ZNF792: variants seen among roughly 807,000 people sequenced by gnomAD.
The protein encoded by ZNF792 is zinc finger protein 792.
A neutral mutation model predicts 13.1 loss-of-function variants in ZNF792; 14 were observed. The observed-to-expected ratio is 1.07, with a 90% CI of 0.71 to 1.67. The LOEUF (loss-of-function observed/expected upper bound fraction) is 1.67, where lower values mean the gene tolerates loss of function less well. Ranked by LOEUF, ZNF792 falls within the 40% of genes most tolerant of loss-of-function variation. ZNF792 has a pLI of 0.00. For synonymous variants in ZNF792, 257 were observed against 292.0 expected, an observed-to-expected ratio of 0.88 and a Z score of 1.22; for missense variants, 740 against 807.9, an observed-to-expected ratio of 0.92 and a Z score of 1.02.
intron 1 of ZNF792, among the ~76,000 whole-genome samples, chr19:34,961,534 T>G (rs2151683036): frequency 6.6e-6 from 1 of 152,226 alleles, no homozygotes; most frequent in East Asian, 1.9e-4. Context: ...AGACCTTTGA[T>G]GGCCTCCACT....
chr19:34,961,968 AT>A (rs2013534220), intron 1 of ZNF792, among the ~76,000 whole-genome samples: 1 of 152,130 alleles, frequency 6.6e-6, no homozygotes. Context: ...ACTCTTTGGG[AT>A]GATCTGGCCA....
In ZNF792 at chr19:34,959,423, A is replaced by C; in HGVS notation, c.432T>G (p.Ile144Met). ...CDICGLRLKD[I>M]LHLAEHQTTH... ...TTGTCTGGTGTTCAGCCAAATGCAAAATGTCTTTCAAACGTAGGCCACATA... is the reference window on the plus strand; with the variant it reads ...TTGTCTGGTGTTCAGCCAAATGCAACATGTCTTTCAAACGTAGGCCACATA... Residue 144 changes from isoleucine (I) to methionine (M), a missense_variant, in exon 4 of 4, where the codon ATT becomes ATG. Ile to Met is a conservative substitution (Grantham distance 10, BLOSUM62 1). Coordinates refer to ENST00000404801, the MANE Select transcript of ZNF792 (RefSeq NM_175872.5). 6.2e-7 allele frequency: 1 copy of C among 1,614,052 alleles called. No homozygotes were observed.
chr19:34,959,225 G>A lies in ZNF792; in HGVS notation c.630C>T (p.Ser210=). 1 of 1,614,016 alleles carries A rather than the reference G, an allele frequency of 6.2e-7. No homozygotes were observed. Among genetic ancestry groups the A allele is most frequent in the Non-Finnish European group, 8.5e-7 (1 of 1,179,890 alleles). ...TCRDHTSDQL[S]TCREGGKDFV... ...AGTCCTTCCCACCCTCCCTGCAGGT[G>A]GAAAGCTGATCTGATGTGTGGTCTC... The change falls in exon 4 of 4, where the codon TCC becomes TCT. Residue 210 remains serine (S), a synonymous_variant. Coordinates refer to ENST00000404801, the MANE Select transcript of ZNF792 (RefSeq NM_175872.5).
At position 34,958,119 on chromosome 19, in the gene ZNF792, C is replaced by T. The variant is rs774976337; in HGVS notation, c.1736G>A (p.Arg579Gln). ...TTCTCTGATGTGAATCTTCTGATGC[C>T]GAATGAGGGTAGGCCTTTGGTTGAA... ...KAFNQRPTLI[R>Q]HQKIHIRERS... The change falls in exon 4 of 4, where the codon CGG becomes CAG. Residue 579 changes from arginine to glutamine, a missense_variant. By Grantham distance (43) the Arg-to-Gln change is conservative. Transcript: ENST00000404801. 2.7e-5 allele frequency: 43 copies of T among 1,612,984 alleles called. No individual in the cohort carries two copies. Among genetic ancestry groups the T allele is most frequent in the African/African-American group, 5.3e-5 (4 of 74,894 alleles).
rs917821263 is a variant in ZNF792, at chr19:34,963,995, C to A, written c.-333G>T. The A allele has an allele frequency of 5.5e-5, 17 of 311,032 alleles. No homozygotes were observed. Among genetic ancestry groups the A allele is most frequent in the African/African-American group, 2.2e-4 (10 of 46,218 alleles). The allele number at this position is 311,032 out of a possible 1,614,324, so 19.3% of individuals were successfully genotyped here. A position where few individuals can be genotyped will look rare whatever the true frequency, so the allele number is the denominator to read the frequency against. On this transcript the variant is annotated 5_prime_UTR_variant, in exon 1 of 4. Coordinates refer to ENST00000404801, the MANE Select transcript of ZNF792 (RefSeq NM_175872.5). ...CGGGGCAGCTTCACGGGCGTAGCCC[C>A]AGCCGCCCCGCCCCCAACTCGGGGT...
Position 34,956,842 on chromosome 19 carries a change from CA to C in ZNF792, c.*1113del, listed in dbSNP as rs567273283. 1.2e-3 allele frequency: 190 copies of C among 152,294 alleles called. No individual in the cohort carries two copies. The highest frequency in any genetic ancestry group is 4.5e-3 in the African/African-American group (188 of 41,550). 9.4% of individuals were successfully genotyped at this position (152,294 alleles called of 1,614,324 possible). On this transcript the variant is annotated 3_prime_UTR_variant, in exon 4 of 4. Transcript: ENST00000404801. Reference sequence around the variant, plus strand: ...TGCACAGCACGGAGATGGTAATCCACAAAACCAAAACCTTTAGATTATTTGC... The same window carrying C: ...TGCACAGCACGGAGATGGTAATCCACAAACCAAAACCTTTAGATTATTTGC...
chr19:34,958,659 C>T lies in ZNF792; in HGVS notation c.1196G>A (p.Cys399Tyr). The change falls in exon 4 of 4, where the codon TGT (cysteine) becomes TAT (tyrosine). Residue 399 changes from cysteine to tyrosine, a missense_variant. Cys to Tyr is a radical substitution (Grantham distance 194). Coordinates refer to ENST00000404801, the MANE Select transcript of ZNF792 (RefSeq NM_175872.5). The part of the protein sequence containing the change: ...TGRSAHECSE[C>Y]GKSFNCNSSL... ...GGAGTTGCAGTTGAAAGATTTCCCA[C>T]ATTCACTGCACTCATGGGCACTTCT... The T allele has an allele frequency of 6.2e-7, 1 of 1,614,146 alleles. No individual in the cohort carries two copies. The highest frequency in any genetic ancestry group is 8.5e-7 in the Non-Finnish European group (1 of 1,179,984).
Position 34,958,841 on chromosome 19 carries a change from G to T in ZNF792, c.1014C>A (p.His338Gln), listed in dbSNP as rs372853650. 3.1e-6 allele frequency: 5 copies of T among 1,612,444 alleles called. No homozygotes were observed. The highest frequency in any genetic ancestry group is 1.7e-4 in the Middle Eastern group (1 of 6,052). The change falls in exon 4 of 4, where the codon CAC (histidine) becomes CAA (glutamine). Residue 338 changes from histidine to glutamine, a missense_variant. Physicochemically the swap from His to Gln is conservative, Grantham distance 24. Coordinates refer to ENST00000404801, the MANE Select transcript of ZNF792 (RefSeq NM_175872.5). ...AGAATTTCCCACAGTCACCACACACGTGAGGGCTTTCACCGGTGTGAACCC... is the reference window on the plus strand; with the variant it reads ...AGAATTTCCCACAGTCACCACACACTTGAGGGCTTTCACCGGTGTGAACCC... ...HRRVHTGESPHVCGDCGKFFS... is the reference protein window; with the variant it reads ...HRRVHTGESPQVCGDCGKFFS...
rs1335287308 is a variant in ZNF792 at position 34,956,532 on chromosome 19, T to G, written c.*1424A>C. ...TATCATGATTATGGTATTGGTTCCC[T>G]GAGTGTACATAATATATGTACAAAA... On this transcript the variant is annotated 3_prime_UTR_variant, in exon 4 of 4. Coordinates refer to ENST00000404801, the MANE Select transcript of ZNF792 (RefSeq NM_175872.5). The G allele has an allele frequency of 6.6e-6, 1 of 152,244 alleles. No individual in the cohort carries two copies. Among genetic ancestry groups the G allele is most frequent in the Non-Finnish European group, 1.5e-5 (1 of 68,052 alleles). The allele number at this position is 152,244 out of a possible 1,614,324, so 9.4% of individuals were successfully genotyped here.
chr19:34,961,080 T>A (rs765561755), intron 1 of ZNF792, 86 bp from the exon 2 acceptor site: 49 of 1,528,342 alleles, frequency 3.2e-5, no homozygotes, highest in Admixed American at 5.7e-5. Flanking sequence ...CCTCCCCAGC[T>A]CCACAGCTCC....
Position 34,959,237 on chromosome 19 carries a change from T to G in ZNF792, c.618A>C (p.Ser206=). 1.2e-6 allele frequency: 2 copies of G among 1,614,064 alleles called. No individual in the cohort carries two copies. The highest frequency in any genetic ancestry group is 1.7e-6 in the Non-Finnish European group (2 of 1,179,908). Reference sequence around the variant, plus strand: ...CCTCCCTGCAGGTGGAAAGCTGATCTGATGTGTGGTCTCTGCAGGTCTTTA... The same window carrying G: ...CCTCCCTGCAGGTGGAAAGCTGATCGGATGTGTGGTCTCTGCAGGTCTTTA... ...SPVKTCRDHT[S]DQLSTCREGG... Residue 206 remains serine (S), a synonymous_variant, in exon 4 of 4, where the codon TCA becomes TCC. Transcript: ENST00000404801.
At chr19:34,962,153 G>T (rs1365539266) in intron 1 of ZNF792, among the ~76,000 whole-genome samples, 3 of 152,016 alleles carry the variant, frequency 2.0e-5, no homozygotes, top group African/African-American at 7.3e-5. Flanking sequence ...ACCATGACCT[G>T]AAGTTTCACC....
Position 34,957,467 on chromosome 19 carries a change from G to A in ZNF792, c.*489C>T, listed in dbSNP as rs957661511. 1 of 155,620 alleles carries A rather than the reference G, an allele frequency of 6.4e-6. No individual in the cohort carries two copies. The highest frequency in any genetic ancestry group is 2.4e-5 in the African/African-American group (1 of 41,462). 9.6% of individuals were successfully genotyped at this position (155,620 alleles called of 1,614,324 possible). ...CTTGAACCACCCCACACAGTGATCA[G>A]AACATGGAAGACTAAAGGCGGCTTT... On this transcript the variant is annotated 3_prime_UTR_variant, in exon 4 of 4. Transcript: ENST00000404801.
Position 34,958,745 on chromosome 19 carries a change from G to A in ZNF792, c.1110C>T (p.Asp370=), listed in dbSNP as rs778129847. 67 of 1,613,164 alleles carry A rather than the reference G, an allele frequency of 4.2e-5. No individual in the cohort carries two copies. The highest frequency in any genetic ancestry group is 5.5e-5 in the Non-Finnish European group (65 of 1,179,802). Residue 370 remains aspartate (D), a synonymous_variant, in exon 4 of 4, where the codon GAC becomes GAT. Transcript: ENST00000404801. The part of the protein sequence containing the change: ...HTGEKPYECS[D]CGKFFSQRSN... ...AACGCTGGCTGAAGAACTTCCCACA[G>A]TCGCTGCACTCATATGGCTTTTCAC...
At position 34,959,472 on chromosome 19, in the gene ZNF792, G is replaced by A; in HGVS notation, c.383C>T (p.Pro128Leu). The A allele has an allele frequency of 6.2e-7, 1 of 1,613,530 alleles. No homozygotes were observed. The highest frequency in any genetic ancestry group is 8.5e-7 in the Non-Finnish European group (1 of 1,179,616). ...QDRSPEATLC[P>L]QKTCPCDICG... ...TATGTCACAGGGGCAGGTCTTCTGG[G>A]GGCACAGAGTTGCCTCGGGACTCCT... is the stretch of plus-strand genomic sequence containing the variant. The change falls in exon 4 of 4, where the codon CCC (proline) becomes CTC (leucine). Residue 128 changes from proline (P) to leucine (L), a missense_variant. Physicochemically the swap from Pro to Leu is moderately conservative, Grantham distance 98. Transcript: ENST00000404801.
rs200278064 is a variant in ZNF792, at chr19:34,958,015, C to A, written c.1840G>T (p.Ala614Ser). Residue 614 changes from alanine (A) to serine (S), a missense_variant, in exon 4 of 4, where the codon GCT becomes TCT. By Grantham distance (99) the Ala-to-Ser change is moderately conservative (BLOSUM62 1). Transcript: ENST00000404801. Reference protein sequence around the residue: ...ISSENRPYQGAVNYKLKLVHP... With the variant: ...ISSENRPYQGSVNYKLKLVHP... Reference sequence around the variant, plus strand: ...ACAAGTTTCAACTTGTAGTTGACAGCGCCCTGATAAGGTCTGTTCTCAGAG... The same window carrying A: ...ACAAGTTTCAACTTGTAGTTGACAGAGCCCTGATAAGGTCTGTTCTCAGAG... 1.9e-6 allele frequency: 3 copies of A among 1,612,928 alleles called. No homozygotes were observed. Among genetic ancestry groups the A allele is most frequent in the East Asian group, 2.2e-5 (1 of 44,868 alleles).
At chr19:34,959,686 G>C in intron 3 of ZNF792, 115 bp from the exon 4 acceptor site, 1 of 1,153,436 alleles carries the variant, frequency 8.7e-7, no homozygotes, top group Non-Finnish European at 1.2e-6. Context: ...GGCAACACAA[G>C]AAGGCTCAGG....
intron 3 of ZNF792, among the ~76,000 whole-genome samples, chr19:34,959,955 C>T (rs1010090775): frequency 2.0e-5 from 3 of 152,162 alleles, no homozygotes; most frequent in Non-Finnish European, 4.4e-5. Flanking sequence ...AGGAAAAGCA[C>T]GTATCTCACA....
rs1436843697 is a variant in ZNF792, at chr19:34,959,126, A to G, written c.729T>C (p.Gly243=). The change falls in exon 4 of 4, where the codon GGT becomes GGC. Residue 243 remains glycine (G), a synonymous_variant. Coordinates refer to ENST00000404801, the MANE Select transcript of ZNF792 (RefSeq NM_175872.5). The part of the protein sequence containing the change: ...SDGEPHEATE[G]VVDFHIALRH... The stretch of plus-strand genomic sequence containing the variant: ...TTAGTGCAATGTGAAAATCCACCAC[A>G]CCTTCGGTGGCCTCGTGCGGCTCCC... 7 of 1,613,648 alleles carry G rather than the reference A, an allele frequency of 4.3e-6. No individual in the cohort carries two copies. The highest frequency in any genetic ancestry group is 1.3e-5 in the African/African-American group (1 of 74,918).
Sources: gnomAD v4.1 joint callset for allele counts (sites outside exome capture counted in the v4.1 genomes callset) on GRCh38, gnomAD v4.1.1 for gene constraint, MANE v1.5 for transcripts, NCBI Gene and HGNC (gene_info 2026-07-23, HGNC 2026-07-21) for gene names.